CTNNBL1: variants seen among roughly 807,000 people sequenced by gnomAD.
CTNNBL1 encodes beta-catenin-like protein 1.
CTNNBL1 carries 31 observed loss-of-function variants against 72.7 expected under a neutral mutation model. The ratio of observed to expected loss-of-function variants is 0.43; its 90% confidence interval spans 0.32 to 0.58. The LOEUF is 0.58. CTNNBL1 is among the 20% of genes least tolerant of loss of function. The pLI, the probability that CTNNBL1 is intolerant of heterozygous loss-of-function variation, is 0.08. For synonymous variants in CTNNBL1, 240 were observed against 267.3 expected (o/e 0.90, Z 1.00); for missense variants, 534 against 725.1 (o/e 0.74, Z 3.03).
At chr20:37,823,119 G>T (rs1278658687) in intron 11 of CTNNBL1, among the ~76,000 whole-genome samples, 1 of 152,188 alleles carries the variant, frequency 6.6e-6, no homozygotes, top group Non-Finnish European at 1.5e-5. Context: ...GATTAACTGG[G>T]TTATTTTATC....
chr20:37,776,150 T>G (rs2073571658), intron 7 of CTNNBL1, among the ~76,000 whole-genome samples: 1 of 152,222 alleles, frequency 6.6e-6, no homozygotes, highest in African/African-American at 2.4e-5. Context: ...AAACAAGGCT[T>G]CAAGCTCGCC....
intron 5 of CTNNBL1, among the ~76,000 whole-genome samples, chr20:37,761,620 A>G (rs566822965): frequency 1.3e-5 from 2 of 152,376 alleles, no homozygotes; most frequent in African/African-American, 4.8e-5. Flanking sequence ...AACCAGCTAT[A>G]TAGCTGTGAG....
chr20:37,710,120 T>G (rs1272056573), intron 1 of CTNNBL1, among the ~76,000 whole-genome samples: 1 of 152,220 alleles, frequency 6.6e-6, no homozygotes, highest in Non-Finnish European at 1.5e-5. Flanking sequence ...AACATGAACA[T>G]TCTTGCCTTT....
At chr20:37,802,835 A>G in intron 10 of CTNNBL1, 32 bp from the exon 11 acceptor site, 2 of 1,571,344 alleles carry the variant, frequency 1.3e-6, no homozygotes, top group South Asian at 2.3e-5. Context: ...TTCCCCATGA[A>G]ATACCTTATC....
chr20:37,832,622 A>G (rs1229053330), intron 11 of CTNNBL1, among the ~76,000 whole-genome samples: 1 of 152,136 alleles, frequency 6.6e-6, no homozygotes, highest in Non-Finnish European at 1.5e-5. Flanking sequence ...ACTTGTTGGC[A>G]TGTCTGGAGC....
rs537011864 is a variant in CTNNBL1, at chr20:37,865,580, C to T, written c.1603+5236C>T. ...TGGCTGCCTGCATGGGAAGGGTTTC[C>T]GCAGGCAGCTACGCATGGGCATTGT... On this transcript the variant is annotated intron_variant, in intron 15 of 15. Coordinates refer to ENST00000361383, the MANE Select transcript of CTNNBL1 (RefSeq NM_030877.5). Among the ~76,000 whole-genome samples the T allele has an allele frequency of 1.1e-4, 17 of 152,272 alleles. No individual in the cohort carries two copies. In the South Asian group the frequency reaches 3.1e-3, roughly 28 times the overall value.
chr20:37,770,288 T>C (rs2073510381), intron 7 of CTNNBL1, among the ~76,000 whole-genome samples: 1 of 152,212 alleles, frequency 6.6e-6, no homozygotes, highest in Non-Finnish European at 1.5e-5. Flanking sequence ...TTCAACACAT[T>C]TTTTATTCTC....
In CTNNBL1 at chr20:37,777,635, C is replaced by G. The variant is rs1470727505; in HGVS notation, c.824-19C>G. On this transcript the variant is annotated intron_variant, in intron 8 of 15. Transcript: ENST00000361383. ...AGTTAGGTTCATTTTTTTTCTTCCT[C>G]TATTTTTTTCCCCTTTAGAAAACAG... 12 of 1,612,420 alleles carry G rather than the reference C, an allele frequency of 7.4e-6. No individual in the cohort carries two copies. The East Asian group carries it at 1.6e-4, about 21-fold the overall frequency.
intron 1 of CTNNBL1, among the ~76,000 whole-genome samples, chr20:37,717,959 G>T (rs921748426): frequency 8.5e-5 from 13 of 152,140 alleles, no homozygotes; most frequent in Non-Finnish European, 1.8e-4. Context: ...CAAGGCAGAA[G>T]AATTTTTCTT....
At chr20:37,849,826 T>G (rs4809859) in intron 13 of CTNNBL1, among the ~76,000 whole-genome samples, 124,181 of 152,190 alleles carry the variant, frequency 0.82, 50,726 homozygotes, top group Middle Eastern at 0.89. Context: ...GTGATTACAA[T>G]CAAGTTACTT....
intron 13 of CTNNBL1, among the ~76,000 whole-genome samples, chr20:37,854,864 C>T (rs966111134): frequency 4.6e-5 from 7 of 151,994 alleles, no homozygotes; most frequent in African/African-American, 1.7e-4. Flanking sequence ...GCTAGGATTA[C>T]ACGTGTGAGC....
intron 3 of CTNNBL1, among the ~76,000 whole-genome samples, chr20:37,737,981 A>G (rs1292839532): frequency 6.6e-6 from 1 of 152,232 alleles, no homozygotes; most frequent in Non-Finnish European, 1.5e-5. Context: ...CCGGGCTGAC[A>G]AAGCAGCAAC....
intron 11 of CTNNBL1, among the ~76,000 whole-genome samples, chr20:37,831,377 T>G (rs1412680908): frequency 2.1e-5 from 2 of 94,244 alleles, no homozygotes; most frequent in Non-Finnish European, 4.4e-5. Context: ...CTTTTTTTTT[T>G]TTTTTTGAGA....
chr20:37,767,866 G>T, intron 6 of CTNNBL1, 87 bp from the exon 7 acceptor site: 1 of 1,018,788 alleles, frequency 9.8e-7, no homozygotes, highest in South Asian at 1.3e-5. Flanking sequence ...GTGGGGAGAG[G>T]AATAACATGC....
chr20:37,856,612 G>C (rs1234534584), intron 13 of CTNNBL1, among the ~76,000 whole-genome samples: 1 of 150,362 alleles, frequency 6.7e-6, no homozygotes, highest in Non-Finnish European at 1.5e-5. Flanking sequence ...GTTTCTTGTA[G>C]GGCCCTCACA....
intron 13 of CTNNBL1, among the ~76,000 whole-genome samples, chr20:37,857,431 A>G (rs1365509528): frequency 6.6e-6 from 1 of 152,216 alleles, no homozygotes; most frequent in Non-Finnish European, 1.5e-5. Context: ...CAAAGCTCTG[A>G]TAAGTCACAG....
At chr20:37,825,267 C>T (rs915974917) in intron 11 of CTNNBL1, among the ~76,000 whole-genome samples, 80 of 151,974 alleles carry the variant, frequency 5.3e-4, no homozygotes, top group African/African-American at 1.8e-3. Context: ...ACAGGATAAT[C>T]GCTTGAACCT....
At chr20:37,718,176 AG>A (rs2073004969) in intron 1 of CTNNBL1, among the ~76,000 whole-genome samples, 1 of 151,176 alleles carries the variant, frequency 6.6e-6, no homozygotes. Flanking sequence ...ACTTCCCAGT[AG>A]GGGCGGCCGG....
chr20:37,706,444 G>A (rs1283199948), intron 1 of CTNNBL1, among the ~76,000 whole-genome samples: 1 of 152,218 alleles, frequency 6.6e-6, no homozygotes, highest in Non-Finnish European at 1.5e-5. Context: ...AATGTCCACA[G>A]CATCTTCACT....
Sources: allele counts gnomAD v4.1 joint callset (sites outside exome capture counted in the v4.1 genomes callset), GRCh38; gene constraint gnomAD v4.1.1; transcripts MANE v1.5; gene names NCBI Gene and HGNC (gene_info 2026-07-23, HGNC 2026-07-21).